KIF26B: variants seen among roughly 807,000 people sequenced by gnomAD.
KIF26B encodes kinesin-like protein KIF26B.
KIF26B carries 63 observed loss-of-function variants against 151.2 expected under a neutral mutation model. That is an observed-to-expected ratio of 0.42 (90% CI 0.34 to 0.51). KIF26B has a LOEUF of 0.51. Ranked by LOEUF, KIF26B falls within the 20% of genes least tolerant of loss-of-function variation. The pLI is 0.07. For missense variants in KIF26B, 2,813 were observed against 2,913.6 expected (o/e 0.97, Z 0.79); for synonymous variants, 1,357 against 1,262.1 (o/e 1.08, Z -1.59).
intron 10 of KIF26B, among the ~76,000 whole-genome samples, chr1:245,681,489 A>G (rs1024505958): frequency 4.3e-4 from 65 of 152,188 alleles, no homozygotes; most frequent in African/African-American, 1.4e-3. Context: ...GATTACAGGC[A>G]TGAGCCACCG....
In KIF26B at chr1:245,512,085, G is replaced by T. The variant is rs1660849529; in HGVS notation, c.1167-28682G>T. 6.6e-6 allele frequency among the ~76,000 whole-genome samples: 1 copy of T among 152,112 alleles called. No homozygotes were observed. The highest frequency in any genetic ancestry group is 2.4e-5 in the African/African-American group (1 of 41,424). On this transcript the variant is annotated intron_variant, in intron 4 of 14. Coordinates refer to ENST00000407071, the MANE Select transcript of KIF26B (RefSeq NM_018012.4). The surrounding 1 kb of genome is among the most constrained non-coding windows in gnomAD (Gnocchi z 4.3). ...AAAGAGATGGCTGATATTTTTTATG[G>T]TCATTTGCAACTTTTTAAAAAAAGT... is the stretch of plus-strand genomic sequence containing the variant.
chr1:245,175,970 A>C (rs1337698397), intron 2 of KIF26B, among the ~76,000 whole-genome samples: 1 of 144,124 alleles, frequency 6.9e-6, no homozygotes, highest in East Asian at 2.0e-4. Flanking sequence ...CTATATATAT[A>C]GACATCTATA....
chr1:245,232,396 G>C (rs1462195821), intron 2 of KIF26B, among the ~76,000 whole-genome samples: 2 of 152,156 alleles, frequency 1.3e-5, no homozygotes, highest in Non-Finnish European at 2.9e-5. Flanking sequence ...TAGGCTTGTA[G>C]TTCTTACAAA....
chr1:245,208,081 C>A (rs757820095), intron 2 of KIF26B, among the ~76,000 whole-genome samples: 1 of 152,154 alleles, frequency 6.6e-6, no homozygotes, highest in Non-Finnish European at 1.5e-5. Flanking sequence ...CTCTGTTAAT[C>A]GAGGGCTCCT....
intron 4 of KIF26B, among the ~76,000 whole-genome samples, chr1:245,428,287 C>A (rs1483507048): frequency 6.6e-6 from 1 of 152,106 alleles, no homozygotes; most frequent in African/African-American, 2.4e-5. Context: ...AATCATAGTT[C>A]TATGAATATG....
chr1:245,646,399 C>T (rs1178434156), intron 10 of KIF26B, 119 bp downstream of exon 10: 3 of 1,081,616 alleles, frequency 2.8e-6, no homozygotes, highest in Non-Finnish European at 3.9e-6. Context: ...ATTATAAGTT[C>T]AGTGCCAGAG....
chr1:245,208,047 G>A (rs911374713), intron 2 of KIF26B, among the ~76,000 whole-genome samples: 21 of 152,150 alleles, frequency 1.4e-4, no homozygotes. Flanking sequence ...TTTTCCAGCA[G>A]ATTTCTTTTC....
intron 2 of KIF26B, among the ~76,000 whole-genome samples, chr1:245,327,806 T>C (rs1672022586): frequency 6.6e-6 from 1 of 152,242 alleles, no homozygotes; most frequent in East Asian, 1.9e-4. Context: ...TTCTAATGAC[T>C]TAAGACATTA....
chr1:245,340,249 G>A (rs752142243), intron 2 of KIF26B, among the ~76,000 whole-genome samples: 7 of 152,102 alleles, frequency 4.6e-5, no homozygotes, highest in East Asian at 1.9e-4. Context: ...ACCCAGGTAC[G>A]TCCTCCGGTA....
At chr1:245,328,559 C>T (rs771552356) in intron 2 of KIF26B, among the ~76,000 whole-genome samples, 16 of 152,106 alleles carry the variant, frequency 1.1e-4, no homozygotes, top group Non-Finnish European at 7.3e-5. Context: ...GTGTGGTTTG[C>T]GGAATTCCTA....
At chr1:245,669,813 T>A (rs1005613203) in intron 10 of KIF26B, among the ~76,000 whole-genome samples, 1 of 152,118 alleles carries the variant, frequency 6.6e-6, no homozygotes, top group East Asian at 1.9e-4. Flanking sequence ...GGTCCAGCAA[T>A]TCCATTCCTA....
chr1:245,570,651 C>T (rs1051940447), intron 5 of KIF26B, among the ~76,000 whole-genome samples: 31 of 152,224 alleles, frequency 2.0e-4, no homozygotes, highest in African/African-American at 7.0e-4. Context: ...TCTGAGCATA[C>T]CTGTGTCCCT....
Position 245,685,943 on chromosome 1 carries a change from A to G in KIF26B, c.2960A>G (p.Gln987Arg). 1 of 1,610,446 alleles carries G rather than the reference A, an allele frequency of 6.2e-7. No homozygotes were observed. Among genetic ancestry groups the G allele is most frequent in the Non-Finnish European group, 8.5e-7 (1 of 1,178,564 alleles). Residue 987 changes from glutamine (Q) to arginine (R), a missense_variant, in exon 12 of 15, where the codon CAG becomes CGG. By Grantham distance (43) the Gln-to-Arg change is conservative (BLOSUM62 1). This residue lies in a region of KIF26B where 2,060 missense variants were observed against 2,088.6 expected (regional missense o/e 0.99). Transcript: ENST00000407071. ...SDKEDNGSEGQLTNREGPELP... is the reference protein window; with the variant it reads ...SDKEDNGSEGRLTNREGPELP... ...AAGGAAGATAATGGGTCCGAAGGTCAGCTGACCAACAGAGAAGGCCCTGAA... is the reference window on the plus strand; with the variant it reads ...AAGGAAGATAATGGGTCCGAAGGTCGGCTGACCAACAGAGAAGGCCCTGAA...
At chr1:245,608,830 T>C (rs765561270) in intron 7 of KIF26B, among the ~76,000 whole-genome samples, 3 of 152,048 alleles carry the variant, frequency 2.0e-5, no homozygotes, top group Non-Finnish European at 2.9e-5. Flanking sequence ...TAGATTACTG[T>C]AACCTCCAAT....
At chr1:245,431,007 A>G (rs1658764039) in intron 4 of KIF26B, among the ~76,000 whole-genome samples, 1 of 152,236 alleles carries the variant, frequency 6.6e-6, no homozygotes, top group Admixed American at 6.5e-5. Flanking sequence ...TGTTTGTTGA[A>G]TAACTCAATG....
chr1:245,283,022 C>T, intron 2 of KIF26B: 1 of 274,858 alleles, frequency 3.6e-6, no homozygotes, highest in Non-Finnish European at 7.6e-6. Flanking sequence ...TCATGGCTTG[C>T]AACACCTAAT....
In KIF26B at chr1:245,512,276, C is replaced by T. The variant is rs1260247938; in HGVS notation, c.1167-28491C>T. On this transcript the variant is annotated intron_variant, in intron 4 of 14. Transcript: ENST00000407071. The surrounding 1 kb of genome is among the most constrained non-coding windows in gnomAD (Gnocchi z 4.3). Reference sequence around the variant, plus strand: ...AGAGCTACTGTCCCTCCCACCTGTCCACCCTGCCTGTTTCCCAGCCCCCAT... The same window carrying T: ...AGAGCTACTGTCCCTCCCACCTGTCTACCCTGCCTGTTTCCCAGCCCCCAT... Among the ~76,000 whole-genome samples, 1 of 152,126 alleles carries T rather than the reference C, an allele frequency of 6.6e-6. No homozygotes were observed. The highest frequency in any genetic ancestry group is 2.1e-4 in the South Asian group (1 of 4,818).
At chr1:245,553,660 T>C (rs888172953) in intron 5 of KIF26B, among the ~76,000 whole-genome samples, 1 of 151,962 alleles carries the variant, frequency 6.6e-6, no homozygotes, top group Admixed American at 6.5e-5. Context: ...ACAAAAAAAG[T>C]CCTAAATTCC....
At chr1:245,388,343 C>T (rs1472100614) in intron 3 of KIF26B, among the ~76,000 whole-genome samples, 1 of 152,072 alleles carries the variant, frequency 6.6e-6, no homozygotes, top group African/African-American at 2.4e-5. Flanking sequence ...AAATATTTTT[C>T]CTTTGATGAA....
Sources: allele counts gnomAD v4.1 joint callset (sites outside exome capture counted in the v4.1 genomes callset), GRCh38; gene constraint gnomAD v4.1.1; regional missense constraint gnomAD v4.1.1; non-coding constraint Gnocchi (gnomAD v3.1); transcripts MANE v1.5; gene names NCBI Gene and HGNC (gene_info 2026-07-23, HGNC 2026-07-21).